The following CDH4 variants were observed in gnomAD, a reference collection of about 807,000 sequenced individuals.
CDH4 encodes the protein cadherin 4.
CDH4 carries 33 observed loss-of-function variants against 86.0 expected under a neutral mutation model. The ratio of observed to expected loss-of-function variants is 0.38; its 90% CI spans 0.29 to 0.51. The LOEUF is 0.51. Among genes scored for constraint, CDH4 ranks in the 20% least tolerant of loss-of-function variants. The probability of loss-of-function intolerance (pLI) is 0.86; values close to 1 mark genes in which losing one functional copy is unlikely to be tolerated. For synonymous variants in CDH4, 555 were observed against 549.4 expected, an observed-to-expected ratio of 1.01 and a Z score of -0.14; for missense variants, 1,114 against 1,307.4, an observed-to-expected ratio of 0.85 and a Z score of 2.28.
At chr20:61,816,803 C>T (rs1310791401) in intron 4 of CDH4, among the ~76,000 whole-genome samples, 2 of 152,196 alleles carry the variant, frequency 1.3e-5, no homozygotes, top group Non-Finnish European at 2.9e-5. Flanking sequence ...TGGGCCCAGG[C>T]CTGGGACACT....
intron 9 of CDH4, among the ~76,000 whole-genome samples, chr20:61,921,177 GATTGCATGGAAGCGTGGTGTC>G (rs1176642396): frequency 2.7e-5 from 4 of 146,192 alleles, no homozygotes; most frequent in African/African-American, 8.1e-5. Context: ...GTGTCACAGT[GATTGCATGGAAGCGTGGTGTC>G]GTGATTGCAT....
chr20:61,930,394 G>A (rs965503050), intron 13 of CDH4, among the ~76,000 whole-genome samples: 13 of 147,850 alleles, frequency 8.8e-5, no homozygotes, highest in Admixed American at 3.3e-4. Flanking sequence ...GAGGGCTGGC[G>A]GGGGGGCGGT....
At chr20:61,826,049 C>T (rs895870829) in intron 4 of CDH4, among the ~76,000 whole-genome samples, 1 of 152,226 alleles carries the variant, frequency 6.6e-6, no homozygotes, top group Admixed American at 6.5e-5. Context: ...AGCCTCCTCA[C>T]GGTCCTCCCT....
In CDH4 at chr20:61,430,489, A is replaced by G. The variant is rs933618370; in HGVS notation, c.169+175552A>G. Among the ~76,000 whole-genome samples the G allele has an allele frequency of 1.5e-3, 236 of 152,304 alleles. 1 individual carries two copies. Among genetic ancestry groups the G allele is most frequent in the Non-Finnish European group, 9.1e-4 (62 of 68,026 alleles). On this transcript the variant is annotated intron_variant, in intron 2 of 15. Transcript: ENST00000614565. ...GGAAACCTGCTGAGCGTGGCAGGAT[A>G]TAGTGCCTTATCACCCTTTATGTGC...
chr20:61,566,416 C>G (rs1049352150), intron 2 of CDH4, among the ~76,000 whole-genome samples: 1 of 152,210 alleles, frequency 6.6e-6, no homozygotes, highest in African/African-American at 2.4e-5. Context: ...GAATTACAAA[C>G]TGGCAGAGTC....
intron 4 of CDH4, among the ~76,000 whole-genome samples, chr20:61,820,379 G>A (rs980477441): frequency 7.9e-5 from 12 of 152,236 alleles, no homozygotes; most frequent in Non-Finnish European, 1.6e-4. Context: ...GTGATCTGAG[G>A]GACAGCCACG....
Position 61,703,180 on chromosome 20 carries a change from G to A in CDH4, c.170-40383G>A, listed in dbSNP as rs1306491892. Among the ~76,000 whole-genome samples the A allele has an allele frequency of 2.0e-5, 3 of 152,184 alleles. No individual in the cohort carries two copies. Among genetic ancestry groups the A allele is most frequent in the Admixed American group, 6.5e-5 (1 of 15,274 alleles). ...TGATCAGAAGTGGGGGCTCTTGGACGAGCTCAGAACACACAGGCCTTGGGT... is the reference window on the plus strand; with the variant it reads ...TGATCAGAAGTGGGGGCTCTTGGACAAGCTCAGAACACACAGGCCTTGGGT... On this transcript the variant is annotated intron_variant, in intron 2 of 15. Coordinates refer to ENST00000614565, the MANE Select transcript of CDH4 (RefSeq NM_001794.5). This position sits in a 1 kb window ranked among gnomAD's most constrained non-coding sequence, Gnocchi z 4.3.
chr20:61,799,756 G>A (rs961964246), intron 4 of CDH4, among the ~76,000 whole-genome samples: 4 of 152,186 alleles, frequency 2.6e-5, no homozygotes, highest in African/African-American at 9.7e-5. Context: ...TCCTGGGTGG[G>A]CAGGGCGTGG....
rs1036880722 is a variant in CDH4, at chr20:61,356,283, C to T, written c.169+101346C>T. Among the ~76,000 whole-genome samples, 5 of 152,306 alleles carry T rather than the reference C, an allele frequency of 3.3e-5. No homozygotes were observed. The East Asian group carries it at 9.7e-4, about 29-fold the overall frequency. On this transcript the variant is annotated intron_variant, in intron 2 of 15. Coordinates refer to ENST00000614565, the MANE Select transcript of CDH4 (RefSeq NM_001794.5). ...GGAAGGCACCGCAGCTGGACTGTAA[C>T]CTGCTCTGTGTCATCGCAGCACCAC...
rs757868697 is a variant in CDH4, at chr20:61,309,838, G to A, written c.169+54901G>A. Among the ~76,000 whole-genome samples the A allele has an allele frequency of 9.9e-5, 15 of 152,188 alleles. No individual in the cohort carries two copies. In the East Asian group the frequency reaches 1.5e-3, roughly 16 times the overall value. On this transcript the variant is annotated intron_variant, in intron 2 of 15. Coordinates refer to ENST00000614565, the MANE Select transcript of CDH4 (RefSeq NM_001794.5). ...TTTCAGAAAGAGTTAGGACAGTTTC[G>A]TCCTATTGAATGCATTACTTGGGAG...
At chr20:61,284,428 G>A (rs1036281415) in intron 2 of CDH4, among the ~76,000 whole-genome samples, 3 of 152,180 alleles carry the variant, frequency 2.0e-5, no homozygotes, top group Non-Finnish European at 4.4e-5. Flanking sequence ...GATTCACTGG[G>A]GCATCGGACA....
intron 2 of CDH4, among the ~76,000 whole-genome samples, chr20:61,483,243 G>A (rs1384578478): frequency 6.6e-6 from 1 of 152,098 alleles, no homozygotes; most frequent in East Asian, 1.9e-4. Flanking sequence ...TTAGCACCTG[G>A]ATCCAGCTGG....
rs1271162221 is a variant in CDH4, at chr20:61,708,312, C to T, written c.170-35251C>T. Among the ~76,000 whole-genome samples, 1 of 152,110 alleles carries T rather than the reference C, an allele frequency of 6.6e-6. No individual in the cohort carries two copies. Among genetic ancestry groups the T allele is most frequent in the Admixed American group, 6.5e-5 (1 of 15,288 alleles). ...CACCCCGCTGACTCAGACTCCCCGC[C>T]CCCCGCCTACCCCCAGCAGCTTGGT... On this transcript the variant is annotated intron_variant, in intron 2 of 15. Coordinates refer to ENST00000614565, the MANE Select transcript of CDH4 (RefSeq NM_001794.5). This position sits in a 1 kb window ranked among gnomAD's most constrained non-coding sequence, Gnocchi z 4.5.
At position 61,873,714 on chromosome 20, in the gene CDH4, T is replaced by C. The variant is rs368080142; in HGVS notation, c.878-14T>C. On this transcript the variant is annotated splice_polypyrimidine_tract_variant and intron_variant, in intron 6 of 15. Coordinates refer to ENST00000614565, the MANE Select transcript of CDH4 (RefSeq NM_001794.5). ...GGCAGGCCATCCCCATCTGAGCTGC[T>C]GTCTCCGTTCCAGGCACCTACGTGA... 7 of 1,609,978 alleles carry C rather than the reference T, an allele frequency of 4.3e-6. No homozygotes were observed. The highest frequency in any genetic ancestry group is 5.9e-6 in the Non-Finnish European group (7 of 1,178,800).
chr20:61,749,223 A>T (rs965980915), intron 3 of CDH4, among the ~76,000 whole-genome samples: 1 of 152,234 alleles, frequency 6.6e-6, no homozygotes, highest in Non-Finnish European at 1.5e-5. Context: ...CAAAATATTT[A>T]TGCCAAAATT....
At chr20:61,907,382 C>T (rs1450282231) in intron 8 of CDH4, among the ~76,000 whole-genome samples, 1 of 152,200 alleles carries the variant, frequency 6.6e-6, no homozygotes, top group Non-Finnish European at 1.5e-5. Context: ...GCCACAGCCT[C>T]AGCAAGGGCT....
chr20:61,397,132 A>G (rs1322511035), intron 2 of CDH4, among the ~76,000 whole-genome samples: 1 of 152,110 alleles, frequency 6.6e-6, no homozygotes, highest in Non-Finnish European at 1.5e-5. Flanking sequence ...CTGGTCTCAA[A>G]TTGCTGAGCT....
At chr20:61,835,144 G>A (rs1023811925) in intron 4 of CDH4, among the ~76,000 whole-genome samples, 2 of 152,210 alleles carry the variant, frequency 1.3e-5, no homozygotes, top group African/African-American at 4.8e-5. Context: ...TTGAACTCCT[G>A]GCCTCAAGTG....
chr20:61,268,320 G>A (rs981865985), intron 2 of CDH4, among the ~76,000 whole-genome samples: 8 of 152,362 alleles, frequency 5.3e-5, no homozygotes, highest in Admixed American at 3.3e-4. Flanking sequence ...TCCTGCTCAT[G>A]TCTCGGAGCA....
Sources: allele counts gnomAD v4.1 joint callset (sites outside exome capture counted in the v4.1 genomes callset), GRCh38; gene constraint gnomAD v4.1.1; non-coding constraint Gnocchi (gnomAD v3.1); transcripts MANE v1.5; gene names NCBI Gene and HGNC (gene_info 2026-07-23, HGNC 2026-07-21).